Variants in MEI4 observed in about 807,000 individuals in gnomAD.
MEI4 encodes the protein meiosis-specific protein MEI4.
In MEI4, 27 loss-of-function variants were observed where a neutral mutation model predicts 31.4. The observed-to-expected ratio is 0.86, with a 90% CI of 0.63 to 1.19. The LOEUF is 1.19. Ranked by LOEUF, MEI4 falls within the 50% of genes most tolerant of loss-of-function variation. The pLI is 0.00. For synonymous variants in MEI4, 122 were observed against 145.4 expected (o/e 0.84, Z 1.16); for missense variants, 329 against 398.9 (o/e 0.82, Z 1.49).
intron 1 of MEI4, among the ~76,000 whole-genome samples, chr6:77,672,367 A>G (rs1489920558): frequency 2.6e-5 from 4 of 152,342 alleles, no homozygotes; most frequent in East Asian, 1.9e-4. Context: ...GAAATATCCT[A>G]GAGCTGCTTA....
chr6:77,803,624 T>C (rs1769339856), intron 3 of MEI4, among the ~76,000 whole-genome samples: 1 of 152,198 alleles, frequency 6.6e-6, no homozygotes, highest in South Asian at 2.1e-4. Flanking sequence ...TGGTCTTTGA[T>C]GATGGTGACG....
At position 77,924,379 on chromosome 6, in the gene MEI4, G is replaced by GAATT. The variant is rs1462804647; in HGVS notation, c.*1035_*1038dup. On this transcript the variant is annotated 3_prime_UTR_variant, in exon 5 of 5. Transcript: ENST00000684080. The stretch of plus-strand genomic sequence containing the variant: ...CATCTGGCACAAACAATTATCTTTG[G>GAATT]AATTATTTCTAGCATTTTTGAAAAG... The GAATT allele has an allele frequency of 1.3e-5, 2 of 151,686 alleles. No individual in the cohort carries two copies. The highest frequency in any genetic ancestry group is 4.8e-5 in the African/African-American group (2 of 41,342). The allele number at this position is 151,686 out of a possible 1,614,324, so 9.4% of individuals were successfully genotyped here.
intron 4 of MEI4, among the ~76,000 whole-genome samples, chr6:77,849,017 G>T (rs4056845): frequency 0.28 from 42,729 of 151,792 alleles, 6,753 homozygotes; most frequent in South Asian, 0.38. Context: ...TAATTATTTT[G>T]AATGAACACA....
At chr6:77,768,103 G>A (rs574376646) in intron 3 of MEI4, among the ~76,000 whole-genome samples, 2 of 152,264 alleles carry the variant, frequency 1.3e-5, no homozygotes, top group East Asian at 3.9e-4. Flanking sequence ...AGAAAATTGA[G>A]TTCAGGCAGG....
chr6:77,659,439 G>A (rs1005029916), intron 1 of MEI4, among the ~76,000 whole-genome samples: 2 of 152,186 alleles, frequency 1.3e-5, no homozygotes, highest in African/African-American at 2.4e-5. Flanking sequence ...CTTGTACCCA[G>A]ATTCCTAGGG....
chr6:77,733,113 C>T (rs1372315745), intron 2 of MEI4, among the ~76,000 whole-genome samples: 1 of 151,742 alleles, frequency 6.6e-6, no homozygotes, highest in Non-Finnish European at 1.5e-5. Flanking sequence ...CTCTGCCAGG[C>T]TTTGGTATCA....
chr6:77,779,613 C>G (rs781016640), intron 3 of MEI4, among the ~76,000 whole-genome samples: 3 of 152,122 alleles, frequency 2.0e-5, no homozygotes, highest in Non-Finnish European at 2.9e-5. Flanking sequence ...ATTGTTGTTT[C>G]TGTTACTAGT....
chr6:77,912,843 A>G (rs1404260392), intron 4 of MEI4, among the ~76,000 whole-genome samples: 1 of 152,100 alleles, frequency 6.6e-6, no homozygotes, highest in Non-Finnish European at 1.5e-5. Context: ...TACTATGTGG[A>G]ATAAAAATAT....
At chr6:77,799,492 GT>G (rs1285641297) in intron 3 of MEI4, among the ~76,000 whole-genome samples, 2 of 152,100 alleles carry the variant, frequency 1.3e-5, no homozygotes, top group Admixed American at 1.3e-4. Context: ...AAGCTCTTTA[GT>G]TTAATTAGAT....
rs866251669 is a variant in MEI4, at chr6:77,742,829, T to A, written c.233-18301T>A. Among the ~76,000 whole-genome samples, 836 of 150,774 alleles carry A rather than the reference T, an allele frequency of 5.5e-3. 8 individuals are homozygous for A. The highest frequency in any genetic ancestry group is 0.02 in the African/African-American group (789 of 40,104). The stretch of plus-strand genomic sequence containing the variant: ...GTAAGGAAGGGATCCAGTTTCAGCT[T>A]TCTACATATGGCTAGCCAGTTTTCC... On this transcript the variant is annotated intron_variant, in intron 2 of 4. Transcript: ENST00000684080.
chr6:77,762,755 A>G (rs1768074281), intron 3 of MEI4, among the ~76,000 whole-genome samples: 1 of 152,120 alleles, frequency 6.6e-6, no homozygotes, highest in Admixed American at 6.6e-5. Context: ...TATTTTAAAA[A>G]CTTTGTGAGT....
intron 2 of MEI4, among the ~76,000 whole-genome samples, chr6:77,695,831 T>C (rs1766021303): frequency 6.6e-6 from 1 of 152,202 alleles, no homozygotes; most frequent in Non-Finnish European, 1.5e-5. Flanking sequence ...GGGGATGGCA[T>C]TGAATCTGTA....
intron 1 of MEI4, among the ~76,000 whole-genome samples, chr6:77,661,552 A>C (rs972411329): frequency 6.6e-6 from 1 of 152,036 alleles, no homozygotes; most frequent in Non-Finnish European, 1.5e-5. Context: ...GATGTGTAGG[A>C]ATGGGAGGAG....
At position 77,926,131 on chromosome 6, in the gene MEI4, A is replaced by G. The variant is rs1471918691; in HGVS notation, c.*2785A>G. The G allele has an allele frequency of 1.3e-5, 2 of 151,968 alleles. No individual in the cohort carries two copies. The highest frequency in any genetic ancestry group is 4.8e-5 in the African/African-American group (2 of 41,414). 9.4% of individuals were successfully genotyped at this position (151,968 alleles called of 1,614,324 possible). On this transcript the variant is annotated 3_prime_UTR_variant, in exon 5 of 5. Coordinates refer to ENST00000684080, the MANE Select transcript of MEI4 (RefSeq NM_001322247.2). ...TGTGCAGCTCTCCTGGCACTTCAGTAAACTTTCACAAACACAGCTTCTTTG... is the reference window on the plus strand; with the variant it reads ...TGTGCAGCTCTCCTGGCACTTCAGTGAACTTTCACAAACACAGCTTCTTTG...
chr6:77,726,488 G>A (rs1766824181), intron 2 of MEI4, among the ~76,000 whole-genome samples: 1 of 152,184 alleles, frequency 6.6e-6, no homozygotes, highest in Non-Finnish European at 1.5e-5. Context: ...ATGTGAACAA[G>A]GAAGCGTAGA....
intron 2 of MEI4, among the ~76,000 whole-genome samples, chr6:77,693,311 C>A (rs1769194522): frequency 6.6e-6 from 1 of 151,910 alleles, no homozygotes. Flanking sequence ...AATATAATGT[C>A]TCAAATGTTA....
rs9448145 is a variant in MEI4 at position 77,685,730 on chromosome 6, G to A, written c.-14-4928G>A. Among the ~76,000 whole-genome samples, 1,057 of 152,008 alleles carry A rather than the reference G, an allele frequency of 7.0e-3. 13 individuals are homozygous for A. Among genetic ancestry groups the A allele is most frequent in the African/African-American group, 0.024 (998 of 41,466 alleles). On this transcript the variant is annotated intron_variant, in intron 1 of 4. Coordinates refer to ENST00000684080, the MANE Select transcript of MEI4 (RefSeq NM_001322247.2). ...TAAGTTGATTTTTGTATATGGTATG[G>A]GATAAGGGTCCAGTTTCAGTCTTCT...
intron 4 of MEI4, among the ~76,000 whole-genome samples, chr6:77,888,650 A>G (rs1037815713): frequency 3.9e-5 from 6 of 152,000 alleles, no homozygotes; most frequent in African/African-American, 1.2e-4. Flanking sequence ...TGCTTTGAAT[A>G]TATTATCCCA....
chr6:77,861,809 A>G (rs1197029734), intron 4 of MEI4, among the ~76,000 whole-genome samples: 1 of 152,224 alleles, frequency 6.6e-6, no homozygotes, highest in African/African-American at 2.4e-5. Context: ...TGAAGTGCTT[A>G]GTCCAGTATC....
Sources: allele counts gnomAD v4.1 joint callset (sites outside exome capture counted in the v4.1 genomes callset), GRCh38; gene constraint gnomAD v4.1.1; transcripts MANE v1.5; gene names NCBI Gene and HGNC (gene_info 2026-07-23, HGNC 2026-07-21).